The following CGREF1 variants were observed in gnomAD, a reference collection of about 807,000 sequenced individuals.
CGREF1 encodes cell growth regulator with EF hand domain protein 1.
In CGREF1, 16 loss-of-function variants were observed where a neutral mutation model predicts 17.4. That is an observed-to-expected ratio of 0.92 (90% CI 0.62 to 1.40). CGREF1 has a LOEUF of 1.40. CGREF1 is among the 40% of genes most tolerant of loss of function. The probability of loss-of-function intolerance (pLI) is 0.00; values close to 1 mark genes in which losing one functional copy is unlikely to be tolerated. For missense variants in CGREF1, 296 were observed against 376.4 expected (o/e 0.79, Z 1.77); for synonymous variants, 142 against 154.6 (o/e 0.92, Z 0.61).
chr2:27,108,686 AT>A (rs1265823022), intron 1 of CGREF1, among the ~76,000 whole-genome samples: 2 of 17,240 alleles, frequency 1.2e-4, no homozygotes, highest in Admixed American at 8.8e-4. Flanking sequence ...CTGATAGCTG[AT>A]TTCTTGACAT....
At chr2:27,099,611 G>A (rs959830044), downstream of CGREF1, 12 of 1,614,062 alleles carry the variant, frequency 7.4e-6, no homozygotes, top group Non-Finnish European at 9.3e-6. Flanking sequence ...AAAGGACTGG[G>A]ACCTGTCCCT....
intron 1 of CGREF1, 42 bp from the exon 2 acceptor site, chr2:27,104,419 T>A (rs1331108912): frequency 6.2e-7 from 1 of 1,605,090 alleles, no homozygotes; most frequent in Admixed American, 1.7e-5. Flanking sequence ...GAAAGAGGCG[T>A]CTGCCACCGT....
Position 27,101,420 on chromosome 2 carries a change from CGG to C in CGREF1, c.809_810del (p.Pro270ArgfsTer30). The C allele has an allele frequency of 1.6e-5, 25 of 1,574,436 alleles. No individual in the cohort carries two copies. The highest frequency in any genetic ancestry group is 6.9e-5 in the South Asian group (6 of 86,514). Reference sequence around the variant, plus strand: ...TGGCCCCCAGCTTCCCCTCTGGGCCCGGGGGCATCTCCTTCAGCCTCTGCCTG... The same window carrying C: ...TGGCCCCCAGCTTCCCCTCTGGGCCCGGGCATCTCCTTCAGCCTCTGCCTG... ...GGQAEAEGDA[P>X]GPRGEAGGQA... On this transcript the variant is annotated frameshift_variant, in exon 6 of 6. Transcript: ENST00000402394. LOFTEE classifies it low-confidence loss of function (END_TRUNC).
chr2:27,118,165 C>T (rs1030069479), intron 1 of CGREF1, among the ~76,000 whole-genome samples: 2 of 152,108 alleles, frequency 1.3e-5, no homozygotes, highest in Admixed American at 6.5e-5. Flanking sequence ...AGGGGCCTTG[C>T]AGGGTTATCC....
rs761907287 is a variant in CGREF1, at chr2:27,102,431, CT to C, written c.147-2del. 3 of 1,614,104 alleles carry C rather than the reference CT, an allele frequency of 1.9e-6. No homozygotes were observed. Among genetic ancestry groups the C allele is most frequent in the Non-Finnish European group, 2.5e-6 (3 of 1,179,932 alleles). On this transcript the variant is annotated splice_acceptor_variant, in intron 3 of 5. Transcript: ENST00000402394. LOFTEE classifies it high-confidence loss of function. ...TCCCTTTAGGTAGCTCTGCAGAAGT[CT>C]GTCAGAAAAGTGGAGAATCAGCCCG...
intron 1 of CGREF1, among the ~76,000 whole-genome samples, chr2:27,113,875 T>C (rs1250109985): frequency 6.6e-6 from 1 of 152,014 alleles, no homozygotes; most frequent in Non-Finnish European, 1.5e-5. Context: ...TTCTCCACCC[T>C]ATCTGTTTAC....
At chr2:27,112,976 A>G (rs1032414150) in intron 1 of CGREF1, among the ~76,000 whole-genome samples, 4 of 152,148 alleles carry the variant, frequency 2.6e-5, no homozygotes, top group African/African-American at 4.8e-5. Context: ...TAGAAACCCT[A>G]TGGGTACTGA....
At chr2:27,105,870 A>C (rs181048519) in intron 1 of CGREF1, among the ~76,000 whole-genome samples, 100 of 152,326 alleles carry the variant, frequency 6.6e-4, no homozygotes, top group Admixed American at 1.4e-3. Context: ...CTATGCATAC[A>C]ACTGGCCCAA....
Position 27,101,238 on chromosome 2 carries a change from C to T in CGREF1, c.*36G>A. On this transcript the variant is annotated 3_prime_UTR_variant, in exon 6 of 6. Transcript: ENST00000402394. ...GCCCACTTCAGGGCTTATGTTCTGG[C>T]ACTGAGACTTCGTGGGGTACCTGTA... The T allele has an allele frequency of 1.3e-6, 2 of 1,523,902 alleles. No homozygotes were observed. Among genetic ancestry groups the T allele is most frequent in the Non-Finnish European group, 8.8e-7 (1 of 1,136,224 alleles). The allele number at this position is 1,523,902 out of a possible 1,614,324, so 94.4% of individuals were successfully genotyped here.
At chr2:27,116,871 TTCTCTCTCTCTCTCTCTCTCTCTCTCTC>T (rs537582075) in intron 1 of CGREF1, among the ~76,000 whole-genome samples, 2 of 33,680 alleles carry the variant, frequency 5.9e-5, no homozygotes, top group Non-Finnish European at 1.2e-4. Context: ...GCCAGGCCTA[TTCTCTCTCTCTCTCTCTCTCTCTCTCTC>T]TCTCTCTCTC....
At chr2:27,102,504 AC>A (rs1447063875) in intron 3 of CGREF1, 21 bp downstream of exon 3, 3 of 1,612,948 alleles carry the variant, frequency 1.9e-6, no homozygotes, top group Non-Finnish European at 2.5e-6. Flanking sequence ...CCCTGAAAGC[AC>A]CCCCGGCCCA....
chr2:27,104,182 C>A, intron 2 of CGREF1, 105 bp downstream of exon 2: 1 of 1,158,310 alleles, frequency 8.6e-7, no homozygotes, highest in Non-Finnish European at 1.2e-6. Flanking sequence ...GATCGGGGAA[C>A]CTACACCCCA....
At chr2:27,105,767 G>A (rs1352163707) in intron 1 of CGREF1, among the ~76,000 whole-genome samples, 1 of 152,154 alleles carries the variant, frequency 6.6e-6, no homozygotes, top group Admixed American at 6.5e-5. Context: ...GGCTGGTCTT[G>A]AACACCTGAC....
At chr2:27,111,347 AC>A (rs1446869092) in intron 1 of CGREF1, among the ~76,000 whole-genome samples, 1 of 152,176 alleles carries the variant, frequency 6.6e-6, no homozygotes, top group Non-Finnish European at 1.5e-5. Context: ...GTGTTTACAA[AC>A]CTTGAGCTAG....
Position 27,104,459 on chromosome 2 carries a change from G to A in CGREF1, c.-11-82C>T, listed in dbSNP as rs773216543. On this transcript the variant is annotated intron_variant, in intron 1 of 5. Transcript: ENST00000402394. Reference sequence around the variant, plus strand: ...CAGATGGGCTGGGTTAGACACAAGCGCATTTTCTGCCTGCTTCTACCTGCA... The same window carrying A: ...CAGATGGGCTGGGTTAGACACAAGCACATTTTCTGCCTGCTTCTACCTGCA... 4.3e-5 allele frequency: 67 copies of A among 1,564,586 alleles called. 1 individual carries two copies. The highest frequency in any genetic ancestry group is 2.0e-4 in the South Asian group (17 of 85,346).
In CGREF1 at chr2:27,101,593, T is replaced by G; in HGVS notation, c.638A>C (p.Glu213Ala). The G allele has an allele frequency of 6.2e-7, 1 of 1,613,990 alleles. No individual in the cohort carries two copies. Among genetic ancestry groups the G allele is most frequent in the South Asian group, 1.1e-5 (1 of 91,082 alleles). ...GGGCCCTGGAACATCTCCATCAGCC[T>G]CTGCCTGGCCCCCAGGCTCCTGGAC... ...DPVQEPGGQA[E>A]ADGDVPGPRG... Residue 213 changes from glutamate (E) to alanine (A), a missense_variant, in exon 6 of 6, where the codon GAG becomes GCG. Coordinates refer to ENST00000402394, the MANE Select transcript of CGREF1 (RefSeq NM_006569.6).
At chr2:27,103,750 C>A (rs979874335) in intron 2 of CGREF1, among the ~76,000 whole-genome samples, 1 of 149,154 alleles carries the variant, frequency 6.7e-6, no homozygotes, top group Non-Finnish European at 1.5e-5. Flanking sequence ...TTTGAGAGGC[C>A]GATGTGGGCG....
chr2:27,100,403 C>T (rs570660611), downstream of CGREF1: 2 of 1,287,074 alleles, frequency 1.6e-6, no homozygotes, highest in South Asian at 2.5e-5. Flanking sequence ...AAAGTCTCAC[C>T]CTTGGAGCCC....
intron 2 of CGREF1, chr2:27,103,153 CTGTT>C: frequency 1.0e-6 from 1 of 979,334 alleles, no homozygotes; most frequent in Non-Finnish European, 1.2e-6. Flanking sequence ...ACTGGGTTAA[CTGTT>C]TGCCCAAGTC....
Sources: gnomAD v4.1 joint callset for allele counts (sites outside exome capture counted in the v4.1 genomes callset) on GRCh38, gnomAD v4.1.1 for gene constraint, MANE v1.5 for transcripts, NCBI Gene and HGNC (gene_info 2026-07-23, HGNC 2026-07-21) for gene names.